FAT3: variants seen among roughly 807,000 people sequenced by gnomAD.
FAT3 encodes the protein FAT atypical cadherin 3.
A neutral mutation model predicts 310.2 loss-of-function variants in FAT3; 95 were observed. The ratio of observed to expected loss-of-function variants is 0.31; its 90% CI spans 0.26 to 0.36. The LOEUF is 0.36. Ranked by LOEUF, FAT3 falls within the 10% of genes least tolerant of loss-of-function variation. The probability of loss-of-function intolerance (pLI) is 1.00; values close to 1 mark genes in which losing one functional copy is unlikely to be tolerated. For synonymous variants in FAT3, 2,314 were observed against 2,192.9 expected, an observed-to-expected ratio of 1.06 and a Z score of -1.54; for missense variants, 5,408 against 5,715.6, an observed-to-expected ratio of 0.95 and a Z score of 1.74.
chr11:92,592,522 G>T (rs886233068), intron 3 of FAT3, among the ~76,000 whole-genome samples: 4 of 151,722 alleles, frequency 2.6e-5, no homozygotes, highest in South Asian at 2.1e-4. Context: ...GGATTTCACC[G>T]TGTTGGTCAG....
intron 2 of FAT3, among the ~76,000 whole-genome samples, chr11:92,435,856 T>C (rs1295380556): frequency 6.6e-6 from 1 of 152,080 alleles, no homozygotes; most frequent in Non-Finnish European, 1.5e-5. Context: ...TGTGAGCCAC[T>C]GTGCCCAGCC....
At chr11:92,282,299 C>T (rs1946447341) in intron 1 of FAT3, among the ~76,000 whole-genome samples, 1 of 152,100 alleles carries the variant, frequency 6.6e-6, no homozygotes, top group Middle Eastern at 3.2e-3. Context: ...TTGTATTAGC[C>T]ATTTTTTTCT....
At chr11:92,862,812 C>T (rs2136335678) in intron 21 of FAT3, among the ~76,000 whole-genome samples, 1 of 152,352 alleles carries the variant, frequency 6.6e-6, no homozygotes, top group South Asian at 2.1e-4. Flanking sequence ...TTTCGACTCT[C>T]ATTCCCCTTG....
intron 2 of FAT3, among the ~76,000 whole-genome samples, chr11:92,464,722 A>C (rs1049946535): frequency 6.6e-6 from 1 of 152,232 alleles, no homozygotes; most frequent in African/African-American, 2.4e-5. Context: ...GCTTCTTAGA[A>C]TGTACCTAGA....
chr11:92,837,428 T>C (rs564129818), intron 16 of FAT3, among the ~76,000 whole-genome samples: 26 of 152,292 alleles, frequency 1.7e-4, no homozygotes, highest in African/African-American at 6.0e-4. Context: ...TGCCTCCCAC[T>C]TGACAGAAGT....
At chr11:92,660,182 A>G (rs1942732268) in intron 3 of FAT3, among the ~76,000 whole-genome samples, 1 of 151,414 alleles carries the variant, frequency 6.6e-6, no homozygotes, top group South Asian at 2.1e-4. Flanking sequence ...ACATTTGTTT[A>G]TTATTTATTA....
intron 3 of FAT3, among the ~76,000 whole-genome samples, chr11:92,543,883 G>A (rs1954530169): frequency 1.3e-5 from 2 of 152,306 alleles, no homozygotes; most frequent in Non-Finnish European, 2.9e-5. Context: ...CCTCAAGATA[G>A]GTAAGGTCTG....
intron 3 of FAT3, among the ~76,000 whole-genome samples, chr11:92,548,098 C>T (rs773444739): frequency 2.1e-4 from 32 of 152,114 alleles, no homozygotes; most frequent in Non-Finnish European, 3.5e-4. Flanking sequence ...CCTCAGTATA[C>T]GCAGAACGAT....
chr11:92,616,389 T>A (rs1940806766), intron 3 of FAT3, among the ~76,000 whole-genome samples: 1 of 151,996 alleles, frequency 6.6e-6, no homozygotes, highest in Non-Finnish European at 1.5e-5. Flanking sequence ...GTGAGATGGG[T>A]CTCCTGAATA....
At chr11:92,494,035 T>G (rs997513560) in intron 2 of FAT3, among the ~76,000 whole-genome samples, 3 of 41,470 alleles carry the variant, frequency 7.2e-5, no homozygotes, top group Non-Finnish European at 1.5e-4. Flanking sequence ...GATTCTATTT[T>G]TTTTTTTTTT....
chr11:92,445,881 GTT>G (rs1951197659), intron 2 of FAT3, among the ~76,000 whole-genome samples: 1 of 152,066 alleles, frequency 6.6e-6, no homozygotes, highest in African/African-American at 2.4e-5. Flanking sequence ...ACAGTTTGGT[GTT>G]TTGTAGTTAT....
chr11:92,526,899 C>CT (rs1462920086), intron 3 of FAT3, among the ~76,000 whole-genome samples: 2 of 152,072 alleles, frequency 1.3e-5, no homozygotes, highest in Admixed American at 6.5e-5. Flanking sequence ...GAAAATACTG[C>CT]TTTTTTATCC....
At chr11:92,702,135 G>T (rs184003898) in intron 4 of FAT3, among the ~76,000 whole-genome samples, 1 of 152,312 alleles carries the variant, frequency 6.6e-6, no homozygotes, top group East Asian at 1.9e-4. Flanking sequence ...TTGGTATAAA[G>T]AGTAGATTAA....
In FAT3 at chr11:92,278,632, G is replaced by A. The variant is rs187597950; in HGVS notation, c.-18+53458G>A. ...TGTCTACATATATATATACACACAC[G>A]TAATTTTCCTATATAAGAAAATTAT... On this transcript the variant is annotated intron_variant, in intron 1 of 27. Coordinates refer to ENST00000525166, the MANE Select transcript of FAT3 (RefSeq NM_001367949.2). Among the ~76,000 whole-genome samples, 130 of 152,104 alleles carry A rather than the reference G, an allele frequency of 8.5e-4. 1 individual carries two copies. The highest frequency in any genetic ancestry group is 2.9e-3 in the African/African-American group (120 of 41,486).
chr11:92,660,383 C>A (rs1942739963), intron 3 of FAT3, among the ~76,000 whole-genome samples: 1 of 151,982 alleles, frequency 6.6e-6, no homozygotes, highest in Admixed American at 6.6e-5. Flanking sequence ...GTCTCAGTGT[C>A]TTTTATAATG....
At chr11:92,749,267 C>A (rs374824973) in intron 4 of FAT3, among the ~76,000 whole-genome samples, 1 of 151,966 alleles carries the variant, frequency 6.6e-6, no homozygotes, top group East Asian at 1.9e-4. Flanking sequence ...TCTGCAATAT[C>A]GAGTTAACAC....
At chr11:92,523,056 A>T (rs1395133699) in intron 2 of FAT3, among the ~76,000 whole-genome samples, 1 of 152,120 alleles carries the variant, frequency 6.6e-6, no homozygotes, top group Non-Finnish European at 1.5e-5. Context: ...TCTCCTTTCC[A>T]CTATTTAGTC....
chr11:92,732,945 A>G (rs1945228718), intron 4 of FAT3, among the ~76,000 whole-genome samples: 1 of 152,226 alleles, frequency 6.6e-6, no homozygotes, highest in African/African-American at 2.4e-5. Flanking sequence ...CCTGTGGGAT[A>G]ACCACTGAGT....
At position 92,806,991 on chromosome 11, in the gene FAT3, C is replaced by T. The variant is rs1404953486; in HGVS notation, c.9247+476C>T. On this transcript the variant is annotated intron_variant, in intron 12 of 27. Transcript: ENST00000525166. ...GGTTATCTAGTTATGCAGATAAAGTCTCCCAGTTAATCTCTAGGAGCTTCC... is the reference window on the plus strand; with the variant it reads ...GGTTATCTAGTTATGCAGATAAAGTTTCCCAGTTAATCTCTAGGAGCTTCC... Among the ~76,000 whole-genome samples, 3 of 152,080 alleles carry T rather than the reference C, an allele frequency of 2.0e-5. No individual in the cohort carries two copies. In the East Asian group the frequency reaches 5.8e-4, roughly 29 times the overall value.
Sources: allele counts gnomAD v4.1 joint callset (sites outside exome capture counted in the v4.1 genomes callset), GRCh38; gene constraint gnomAD v4.1.1; transcripts MANE v1.5; gene names NCBI Gene and HGNC (gene_info 2026-07-23, HGNC 2026-07-21).